The following LRFN2 variants were observed in gnomAD, a reference collection of about 807,000 sequenced individuals.
The protein encoded by LRFN2 is leucine rich repeat and fibronectin type III domain containing 2.
Under a neutral mutation model 37.3 loss-of-function variants are expected in LRFN2, and 18 were observed. The ratio of observed to expected loss-of-function variants is 0.48; its 90% CI spans 0.33 to 0.72. The LOEUF (loss-of-function observed/expected upper bound fraction) is 0.72. Ranked by LOEUF, LRFN2 falls within the 30% of genes least tolerant of loss-of-function variation. LRFN2 has a pLI of 0.02. For missense variants in LRFN2, 1,006 were observed against 1,060.7 expected, an observed-to-expected ratio of 0.95 and a Z score of 0.72; for synonymous variants, 556 against 466.6, an observed-to-expected ratio of 1.19 and a Z score of -2.47.
intron 1 of LRFN2, among the ~76,000 whole-genome samples, chr6:40,543,733 T>C (rs574494752): frequency 1.1e-4 from 16 of 152,368 alleles, no homozygotes; most frequent in Admixed American, 9.1e-4. Flanking sequence ...CCTGGGCATC[T>C]TTTGTATCAG....
chr6:40,424,748 T>C (rs1763310288), intron 2 of LRFN2, among the ~76,000 whole-genome samples: 2 of 152,264 alleles, frequency 1.3e-5, no homozygotes, highest in East Asian at 3.9e-4. Context: ...CCAGACCCTC[T>C]TGGGAAACAG....
chr6:40,511,777 G>A (rs893419616), intron 1 of LRFN2, among the ~76,000 whole-genome samples: 5 of 152,206 alleles, frequency 3.3e-5, no homozygotes, highest in African/African-American at 1.2e-4. Context: ...GGGGACGTGA[G>A]GGAGAAGAAG....
rs975788259 is a variant in LRFN2 at position 40,551,118 on chromosome 6, C to T, written c.-19+35823G>A. 6.6e-5 allele frequency among the ~76,000 whole-genome samples: 10 copies of T among 152,122 alleles called. No homozygotes were observed. The East Asian group carries it at 1.7e-3, about 26-fold the overall frequency. On this transcript the variant is annotated intron_variant, in intron 1 of 2. Coordinates refer to ENST00000338305, the MANE Select transcript of LRFN2 (RefSeq NM_020737.3). ...TAGGCTAATCAGTGACAGTCCATGA[C>T]CCTGGCCACAGAGACTAGTCCAGAG...
chr6:40,511,860 A>T (rs1407448586), intron 1 of LRFN2, among the ~76,000 whole-genome samples: 1 of 152,220 alleles, frequency 6.6e-6, no homozygotes. Context: ...ACAAAGGAGA[A>T]ATGCAAGAGG....
intron 2 of LRFN2, among the ~76,000 whole-genome samples, chr6:40,407,111 T>C (rs1462095698): frequency 6.6e-6 from 1 of 152,214 alleles, no homozygotes; most frequent in Admixed American, 6.5e-5. Context: ...GCTTAAACAG[T>C]GTCCCCACGA....
rs757461578 is a variant in LRFN2, at chr6:40,392,617, T to G, written c.1696A>C (p.Ser566Arg). The G allele has an allele frequency of 2.5e-6, 4 of 1,610,710 alleles. No homozygotes were observed. Among genetic ancestry groups the G allele is most frequent in the Middle Eastern group, 1.6e-4 (1 of 6,084 alleles). The change falls in exon 3 of 3, where the codon AGC becomes CGC. Residue 566 changes from serine to arginine, a missense_variant. By Grantham distance (110) the Ser-to-Arg change is moderately radical. Around this residue, in one of 4 missense-constraint regions of LRFN2, gnomAD observed 398 missense variants for 327.6 expected, o/e 1.21. Coordinates refer to ENST00000338305, the MANE Select transcript of LRFN2 (RefSeq NM_020737.3). The surrounding 1 kb of genome is among the most constrained non-coding windows in gnomAD (Gnocchi z 4.7). ...RYKVCNHEAP[S>R]KMAAAVSNVY... ...TTGCTCACGGCCGCTGCCATCTTGC[T>G]GGGGGCCTCGTGGTTGCAGACCTTG...
At chr6:40,429,346 ATCT>A (rs1763426799) in intron 2 of LRFN2, among the ~76,000 whole-genome samples, 1 of 152,244 alleles carries the variant, frequency 6.6e-6, no homozygotes, top group African/African-American at 2.4e-5. Flanking sequence ...GGCATCCAAC[ATCT>A]TCTCTCCCCC....
intron 1 of LRFN2, among the ~76,000 whole-genome samples, chr6:40,572,719 A>T (rs1033681733): frequency 2.6e-5 from 4 of 152,186 alleles, no homozygotes; most frequent in Admixed American, 6.5e-5. Context: ...TTGCTGCCCA[A>T]GCAGGAGAAT....
chr6:40,579,318 G>T (rs114134112), intron 1 of LRFN2, among the ~76,000 whole-genome samples: 196 of 152,256 alleles, frequency 1.3e-3, no homozygotes, highest in African/African-American at 4.5e-3. Flanking sequence ...TAAGTCCTCA[G>T]GCAAGGAGGA....
Position 40,485,050 on chromosome 6 carries a change from C to T in LRFN2, c.-18-51919G>A, listed in dbSNP as rs537316355. On this transcript the variant is annotated intron_variant, in intron 1 of 2. Transcript: ENST00000338305. Reference sequence around the variant, plus strand: ...TTCTGCATTCATGTTTGTCATCACACGCCAACCTTGTGTAGGAAAGAAAGA... The same window carrying T: ...TTCTGCATTCATGTTTGTCATCACATGCCAACCTTGTGTAGGAAAGAAAGA... 5.9e-5 allele frequency among the ~76,000 whole-genome samples: 9 copies of T among 152,336 alleles called. No individual in the cohort carries two copies. The South Asian group carries it at 1.0e-3, about 18-fold the overall frequency.
At chr6:40,575,603 G>T (rs1261531239) in intron 1 of LRFN2, among the ~76,000 whole-genome samples, 3 of 152,128 alleles carry the variant, frequency 2.0e-5, no homozygotes, top group Non-Finnish European at 2.9e-5. Flanking sequence ...CTGTTGCAAG[G>T]TCCCCAGGCC....
intron 2 of LRFN2, among the ~76,000 whole-genome samples, chr6:40,427,257 T>G (rs374787764): frequency 2.6e-5 from 4 of 152,210 alleles, no homozygotes; most frequent in Admixed American, 6.5e-5. Context: ...TTCTGGCATA[T>G]TTACATCAAT....
At chr6:40,465,212 T>C (rs1764431015) in intron 1 of LRFN2, among the ~76,000 whole-genome samples, 1 of 152,110 alleles carries the variant, frequency 6.6e-6, no homozygotes, top group South Asian at 2.1e-4. Flanking sequence ...CAAGGAAACA[T>C]ATTCTACCCT....
At chr6:40,405,897 T>A (rs1324796833) in intron 2 of LRFN2, among the ~76,000 whole-genome samples, 1 of 152,168 alleles carries the variant, frequency 6.6e-6, no homozygotes, top group Non-Finnish European at 1.5e-5. Context: ...CAGGTGAGGA[T>A]CACTCGTTGG....
intron 2 of LRFN2, among the ~76,000 whole-genome samples, chr6:40,421,140 A>C (rs987522174): frequency 6.6e-6 from 1 of 152,370 alleles, no homozygotes; most frequent in African/African-American, 2.4e-5. Flanking sequence ...TGAGCCACAC[A>C]TTAAGAATAA....
At chr6:40,569,171 G>A (rs1044475474) in intron 1 of LRFN2, among the ~76,000 whole-genome samples, 5 of 152,206 alleles carry the variant, frequency 3.3e-5, no homozygotes, top group African/African-American at 9.7e-5. Flanking sequence ...GAGGCAGGAA[G>A]CATGAGTCCC....
chr6:40,496,284 C>A (rs182618295), intron 1 of LRFN2, among the ~76,000 whole-genome samples: 1 of 152,224 alleles, frequency 6.6e-6, no homozygotes, highest in Non-Finnish European at 1.5e-5. Flanking sequence ...TCATTCTGGC[C>A]CACCTCCAAC....
At chr6:40,408,928 A>C (rs906106974) in intron 2 of LRFN2, among the ~76,000 whole-genome samples, 4 of 152,234 alleles carry the variant, frequency 2.6e-5, no homozygotes, top group African/African-American at 9.7e-5. Context: ...GCCCAAGATT[A>C]AGGTGCCAGC....
intron 1 of LRFN2, among the ~76,000 whole-genome samples, chr6:40,514,338 G>T (rs374832773): frequency 6.6e-6 from 1 of 151,922 alleles, no homozygotes; most frequent in African/African-American, 2.4e-5. Context: ...TTTTCTAGAC[G>T]GAATCTTGCT....
Sources: allele counts gnomAD v4.1 joint callset (sites outside exome capture counted in the v4.1 genomes callset), GRCh38; gene constraint gnomAD v4.1.1; regional missense constraint gnomAD v4.1.1; non-coding constraint Gnocchi (gnomAD v3.1); transcripts MANE v1.5; gene names NCBI Gene and HGNC (gene_info 2026-07-23, HGNC 2026-07-21).